Variants in FUT8 observed in about 807,000 individuals in gnomAD.
The protein encoded by FUT8 is fucosyltransferase 8.
A neutral mutation model predicts 71.3 loss-of-function variants in FUT8; 29 were observed. The observed-to-expected ratio is 0.41, with a 90% confidence interval of 0.30 to 0.55. The LOEUF (loss-of-function observed/expected upper bound fraction) is 0.55, where lower values mean the gene tolerates loss of function less well. FUT8 is among the 20% of genes least tolerant of loss of function. The probability of loss-of-function intolerance (pLI) is 0.34; values close to 1 mark genes in which losing one functional copy is unlikely to be tolerated. For missense variants in FUT8, 544 were observed against 702.1 expected (o/e 0.77, Z 2.55); for synonymous variants, 254 against 239.3 (o/e 1.06, Z -0.57).
chr14:65,431,088 C>T (rs1483357123), intron 1 of FUT8, among the ~76,000 whole-genome samples: 8 of 150,482 alleles, frequency 5.3e-5, no homozygotes, highest in Non-Finnish European at 1.0e-4. Flanking sequence ...CTCCTGCTCC[C>T]GGGTTCAAAT....
In FUT8 at chr14:65,613,958, A is replaced by C. The variant is rs188691527; in HGVS notation, c.204-2020A>C. ...GAAACCCCGTCTCTACTAAAAATGT[A>C]AAAAAATTAGCCAGGGATGGTGGTG... is the stretch of plus-strand genomic sequence containing the variant. On this transcript the variant is annotated intron_variant, in intron 3 of 10. Transcript: ENST00000673929. 1.5e-3 allele frequency among the ~76,000 whole-genome samples: 224 copies of C among 152,146 alleles called. 1 individual carries two copies. The Middle Eastern group carries it at 0.024, about 16-fold the overall frequency.
intron 1 of FUT8, among the ~76,000 whole-genome samples, chr14:65,427,075 G>C (rs1303748903): frequency 6.6e-6 from 1 of 152,074 alleles, no homozygotes; most frequent in Admixed American, 6.5e-5. Flanking sequence ...TGTTAGCCAG[G>C]ATGATCTCAA....
At chr14:65,551,928 A>G (rs1885310301) in intron 2 of FUT8, among the ~76,000 whole-genome samples, 1 of 152,172 alleles carries the variant, frequency 6.6e-6, no homozygotes, top group South Asian at 2.1e-4. Flanking sequence ...AAAATAGCTT[A>G]GTTTCAGCTC....
intron 2 of FUT8, among the ~76,000 whole-genome samples, chr14:65,509,626 A>G (rs1346505176): frequency 1.3e-5 from 2 of 151,206 alleles, no homozygotes; most frequent in African/African-American, 2.4e-5. Flanking sequence ...TGTTACAGAG[A>G]TCTTTCACTT....
chr14:65,684,626 C>T (rs534527289), intron 7 of FUT8, among the ~76,000 whole-genome samples: 4 of 152,148 alleles, frequency 2.6e-5, no homozygotes, highest in Non-Finnish European at 5.9e-5. Flanking sequence ...TGAATTATAA[C>T]CCCGAGGTGT....
chr14:65,448,895 A>G (rs546998747), intron 1 of FUT8, among the ~76,000 whole-genome samples: 28 of 152,274 alleles, frequency 1.8e-4, no homozygotes, highest in Middle Eastern at 6.8e-3. Context: ...ATTATTTTTT[A>G]TTTTAGGTGA....
At chr14:65,719,324 A>G (rs1895285357) in intron 7 of FUT8, among the ~76,000 whole-genome samples, 1 of 152,036 alleles carries the variant, frequency 6.6e-6, no homozygotes, top group Non-Finnish European at 1.5e-5. Flanking sequence ...CCTCTTTGTT[A>G]ACTTTATCTG....
At chr14:65,377,592 T>C in the FUT8 span, among the ~76,000 whole-genome samples, 4 of 152,202 alleles carry the variant, frequency 2.6e-5, no homozygotes, top group African/African-American at 9.7e-5. Flanking sequence ...ATTTCTGCTA[T>C]GTGATCCCGG....
intron 2 of FUT8, among the ~76,000 whole-genome samples, chr14:65,475,695 T>C (rs1359952507): frequency 6.6e-6 from 1 of 152,048 alleles, no homozygotes; most frequent in East Asian, 1.9e-4. Context: ...GAGGCTGCAG[T>C]GAGGCTGAGC....
intron 3 of FUT8, among the ~76,000 whole-genome samples, chr14:65,588,608 G>C (rs577163160): frequency 6.6e-6 from 1 of 152,106 alleles, no homozygotes; most frequent in Non-Finnish European, 1.5e-5. Flanking sequence ...AATGAGTTGT[G>C]ACTCTTAGTC....
intron 3 of FUT8, among the ~76,000 whole-genome samples, chr14:65,596,677 A>G (rs6573620): frequency 0.058 from 8,891 of 152,290 alleles, 309 homozygotes; most frequent in Admixed American, 0.11. Flanking sequence ...ATATACAAAT[A>G]TCCAACCTCA....
the FUT8 span, among the ~76,000 whole-genome samples, chr14:65,385,824 G>T: frequency 4.6e-5 from 7 of 152,146 alleles, no homozygotes; most frequent in Non-Finnish European, 1.0e-4. Flanking sequence ...TTACAGGCGT[G>T]AGCCACGGCA....
intron 3 of FUT8, among the ~76,000 whole-genome samples, chr14:65,595,392 A>C (rs1887910236): frequency 6.6e-6 from 1 of 152,168 alleles, no homozygotes; most frequent in South Asian, 2.1e-4. Context: ...TGAAATTATA[A>C]AGAAAATTTG....
intron 2 of FUT8, among the ~76,000 whole-genome samples, chr14:65,543,605 C>G (rs989135354): frequency 2.0e-5 from 3 of 151,904 alleles, no homozygotes; most frequent in Admixed American, 6.6e-5. Context: ...TTCTTTCGTT[C>G]TTTCTTGTTT....
intron 2 of FUT8, among the ~76,000 whole-genome samples, chr14:65,532,589 T>A (rs1231684250): frequency 3.3e-5 from 5 of 152,142 alleles, no homozygotes; most frequent in Non-Finnish European, 7.3e-5. Context: ...TTCTGTAGGT[T>A]GTTTGTTTTC....
intron 2 of FUT8, among the ~76,000 whole-genome samples, chr14:65,484,944 T>C (rs1198107997): frequency 6.6e-6 from 1 of 152,170 alleles, no homozygotes; most frequent in Non-Finnish European, 1.5e-5. Context: ...ATGTAGTTTT[T>C]TATGTTAGAT....
Position 65,720,687 on chromosome 14 carries a change from C to G in FUT8, c.836-1088C>G, listed in dbSNP as rs537750828. ...AACCCAGCACAGCACTAAAACTTGC[C>G]TAGAAATTACAGTTCTTGTGGCCTA... On this transcript the variant is annotated intron_variant, in intron 7 of 10. Coordinates refer to ENST00000673929, the MANE Select transcript of FUT8 (RefSeq NM_001371533.1). 6.5e-4 allele frequency among the ~76,000 whole-genome samples: 99 copies of G among 152,258 alleles called. 1 individual carries two copies. Among genetic ancestry groups the G allele is most frequent in the African/African-American group, 2.3e-3 (96 of 41,548 alleles).
chr14:65,699,409 T>TA, intron 7 of FUT8, among the ~76,000 whole-genome samples: 1 of 152,156 alleles, frequency 6.6e-6, no homozygotes, highest in Non-Finnish European at 1.5e-5. Context: ...TTCTGGCAAT[T>TA]AAAAGAAATA....
At chr14:65,577,211 T>G (rs1392499250) in intron 3 of FUT8, among the ~76,000 whole-genome samples, 2 of 152,144 alleles carry the variant, frequency 1.3e-5, no homozygotes, top group Non-Finnish European at 2.9e-5. Flanking sequence ...TTATTATATG[T>G]TCAGTTATTC....
Sources: allele counts gnomAD v4.1 joint callset (sites outside exome capture counted in the v4.1 genomes callset), GRCh38; gene constraint gnomAD v4.1.1; transcripts MANE v1.5; gene names NCBI Gene and HGNC (gene_info 2026-07-23, HGNC 2026-07-21).